The following BMPER variants were observed in gnomAD, a reference collection of about 807,000 sequenced individuals.
BMPER encodes the protein BMP binding endothelial regulator.
BMPER carries 45 observed loss-of-function variants against 87.3 expected under a neutral mutation model. The ratio of observed to expected loss-of-function variants is 0.52; its 90% CI spans 0.41 to 0.66. The LOEUF (loss-of-function observed/expected upper bound fraction) is 0.66, where lower values mean the gene tolerates loss of function less well. Ranked by LOEUF, BMPER falls within the 30% of genes least tolerant of loss-of-function variation. The probability of loss-of-function intolerance (pLI) is 0.00; values close to 1 mark genes in which losing one functional copy is unlikely to be tolerated. For missense variants in BMPER, 784 were observed against 867.5 expected (o/e 0.90, Z 1.21); for synonymous variants, 326 against 316.2 (o/e 1.03, Z -0.33).
chr7:34,153,673 T>TCAGG lies in BMPER; in HGVS notation c.*401_*404dup. 1 of 199,136 alleles carries TCAGG rather than the reference T, an allele frequency of 5.0e-6. No individual in the cohort carries two copies. Among genetic ancestry groups the TCAGG allele is most frequent in the African/African-American group, 2.4e-5 (1 of 42,320 alleles). The allele number at this position is 199,136 out of a possible 1,614,324, so 12.3% of individuals were successfully genotyped here. A position where few individuals can be genotyped will look rare whatever the true frequency, so the allele number is the denominator to read the frequency against. ...TGCCTGTATTAATTTTAGTTTTGAGTCAGGATTTGTAATGGAGTGGGAAAT... is the reference window on the plus strand; with the variant it reads ...TGCCTGTATTAATTTTAGTTTTGAGTCAGGCAGGATTTGTAATGGAGTGGGAAAT... On this transcript the variant is annotated 3_prime_UTR_variant, in exon 15 of 15. Transcript: ENST00000649409.
intron 6 of BMPER, among the ~76,000 whole-genome samples, chr7:33,982,885 G>T (rs537480328): frequency 1.2e-4 from 18 of 152,278 alleles, no homozygotes; most frequent in Non-Finnish European, 1.6e-4. Flanking sequence ...AAGAAAGAGG[G>T]CAAAGGTGGG....
At chr7:33,991,866 C>T (rs1468302444) in intron 6 of BMPER, among the ~76,000 whole-genome samples, 7 of 143,610 alleles carry the variant, frequency 4.9e-5, no homozygotes, top group African/African-American at 1.0e-4. Context: ...GCCTTCATTT[C>T]GTTATGTACC....
chr7:33,946,281 A>C (rs1187476177), intron 3 of BMPER, among the ~76,000 whole-genome samples: 1 of 152,178 alleles, frequency 6.6e-6, no homozygotes, highest in Non-Finnish European at 1.5e-5. Flanking sequence ...CCCTCCCATG[A>C]CATGTGAGGA....
chr7:33,939,490 C>T (rs555505195), intron 3 of BMPER, among the ~76,000 whole-genome samples: 1 of 152,310 alleles, frequency 6.6e-6, no homozygotes, highest in South Asian at 2.1e-4. Flanking sequence ...GGTGGACCTT[C>T]ATGAGAGGGA....
intron 4 of BMPER, among the ~76,000 whole-genome samples, chr7:33,966,856 C>T (rs570456927): frequency 3.2e-4 from 49 of 152,332 alleles, no homozygotes; most frequent in Admixed American, 1.0e-3. Context: ...AAATTCATGT[C>T]TTCCTGTGAA....
At chr7:33,926,927 T>C (rs774990132) in intron 2 of BMPER, among the ~76,000 whole-genome samples, 1 of 152,218 alleles carries the variant, frequency 6.6e-6, no homozygotes, top group African/African-American at 2.4e-5. Flanking sequence ...TTCCAGCAAC[T>C]GAGATGTCAC....
chr7:34,079,283 C>A, intron 12 of BMPER, 97 bp downstream of exon 12: 1 of 1,517,136 alleles, frequency 6.6e-7, no homozygotes, highest in East Asian at 2.3e-5. Context: ...TGTGGTTCCT[C>A]CTCCGAGCAA....
chr7:34,084,979 C>T (rs1585815922), intron 12 of BMPER, among the ~76,000 whole-genome samples: 1 of 152,200 alleles, frequency 6.6e-6, no homozygotes, highest in Non-Finnish European at 1.5e-5. Context: ...CAGTACTGGC[C>T]TGCTGATGTA....
rs531866986 is a variant in BMPER at position 33,943,237 on chromosome 7, A to T, written c.319+5849A>T. 8.5e-5 allele frequency among the ~76,000 whole-genome samples: 13 copies of T among 152,296 alleles called. 1 individual carries two copies. In the South Asian group the frequency reaches 2.5e-3, roughly 29 times the overall value. On this transcript the variant is annotated intron_variant, in intron 3 of 14. Transcript: ENST00000649409. ...ACCTTTTTCAGTTTATTACATGTAT[A>T]TATAATTTTGTTTGTGTACTTTTAT...
At chr7:34,072,837 AT>A (rs1030237633) in intron 11 of BMPER, among the ~76,000 whole-genome samples, 2 of 152,148 alleles carry the variant, frequency 1.3e-5, no homozygotes, top group Non-Finnish European at 2.9e-5. Flanking sequence ...TTTAACAATA[AT>A]TTTTAGTAGG....
intron 3 of BMPER, among the ~76,000 whole-genome samples, chr7:33,939,352 A>G (rs1784691016): frequency 6.6e-6 from 1 of 152,170 alleles, no homozygotes; most frequent in Non-Finnish European, 1.5e-5. Flanking sequence ...TTTTGGGCTT[A>G]AGATGATAAG....
intron 12 of BMPER, among the ~76,000 whole-genome samples, chr7:34,081,117 C>A (rs1432644391): frequency 6.6e-6 from 1 of 152,148 alleles, no homozygotes; most frequent in Non-Finnish European, 1.5e-5. Context: ...GAGAAGAATT[C>A]TATTCCTCTG....
chr7:33,987,260 T>C (rs1236555776), intron 6 of BMPER, among the ~76,000 whole-genome samples: 2 of 152,144 alleles, frequency 1.3e-5, no homozygotes, highest in Non-Finnish European at 2.9e-5. Flanking sequence ...GTGAATGGCT[T>C]CAATTACCAC....
intron 2 of BMPER, among the ~76,000 whole-genome samples, chr7:33,926,059 G>A (rs1325413295): frequency 6.6e-6 from 1 of 152,168 alleles, no homozygotes; most frequent in Non-Finnish European, 1.5e-5. Flanking sequence ...AGGTGCCTGT[G>A]CTGTGTTTAT....
At chr7:34,071,631 G>T (rs1466651224) in intron 11 of BMPER, among the ~76,000 whole-genome samples, 1 of 147,458 alleles carries the variant, frequency 6.8e-6, no homozygotes, top group Non-Finnish European at 1.5e-5. Flanking sequence ...TTTAAGGTCG[G>T]TTCTTGGATA....
intron 6 of BMPER, among the ~76,000 whole-genome samples, chr7:33,985,596 C>G (rs1348936012): frequency 6.6e-6 from 1 of 152,114 alleles, no homozygotes. Flanking sequence ...TCTTAATTCC[C>G]ACTCCAATAA....
chr7:34,073,762 T>TTAAGATTTGAAAA (rs1337286543), intron 11 of BMPER, among the ~76,000 whole-genome samples: 11 of 152,242 alleles, frequency 7.2e-5, no homozygotes, highest in Non-Finnish European at 1.6e-4. Flanking sequence ...GTATTTGAAA[T>TTAAGATTTGAAAA]TAAGACTGTC....
chr7:34,112,028 C>A (rs1000907077), intron 13 of BMPER, among the ~76,000 whole-genome samples: 4 of 152,146 alleles, frequency 2.6e-5, no homozygotes, highest in African/African-American at 4.8e-5. Context: ...AAAGAATGTA[C>A]ATGTCCATTG....
chr7:33,919,953 A>ATCTATCTT (rs148992679), intron 2 of BMPER, among the ~76,000 whole-genome samples: 2 of 151,960 alleles, frequency 1.3e-5, no homozygotes, highest in African/African-American at 4.8e-5. Context: ...CTATCTATCT[A>ATCTATCTT]TATGTATTTA....
Sources: gnomAD v4.1 joint callset for allele counts (sites outside exome capture counted in the v4.1 genomes callset) on GRCh38, gnomAD v4.1.1 for gene constraint, MANE v1.5 for transcripts, NCBI Gene and HGNC (gene_info 2026-07-23, HGNC 2026-07-21) for gene names.